The following KAZN variants were observed in gnomAD, a reference collection of about 807,000 sequenced individuals.
KAZN encodes kazrin, periplakin interacting protein.
Under a neutral mutation model 87.4 loss-of-function variants are expected in KAZN, and 40 were observed. The observed-to-expected ratio is 0.46, with a 90% CI of 0.36 to 0.60. The LOEUF is 0.60. Ranked by LOEUF, KAZN falls within the 20% of genes least tolerant of loss-of-function variation. KAZN has a pLI of 0.00. For synonymous variants in KAZN, 466 were observed against 458.3 expected, an observed-to-expected ratio of 1.02 and a Z score of -0.22; for missense variants, 898 against 1,073.9, an observed-to-expected ratio of 0.84 and a Z score of 2.29.
chr1:13,922,150 T>A (rs950698037), intron 1 of KAZN, among the ~76,000 whole-genome samples: 9 of 152,186 alleles, frequency 5.9e-5, no homozygotes, highest in African/African-American at 2.2e-4. Context: ...GCCCTGGATT[T>A]CTCTGCCTTT....
intron 1 of KAZN, among the ~76,000 whole-genome samples, chr1:14,919,240 G>C (rs1013590778): frequency 6.6e-6 from 1 of 152,078 alleles, no homozygotes; most frequent in South Asian, 2.1e-4. Context: ...GCAGTGGCAC[G>C]ATCTCGGCTC....
intron 2 of KAZN, among the ~76,000 whole-genome samples, chr1:14,551,333 C>G (rs918669951): frequency 6.6e-6 from 1 of 152,180 alleles, no homozygotes; most frequent in African/African-American, 2.4e-5. Flanking sequence ...TGATGTAGGG[C>G]TCCCCTCGTA....
intron 3 of KAZN, among the ~76,000 whole-genome samples, 163 bp from the exon 4 acceptor site, chr1:15,043,826 G>A (rs1673174682): frequency 6.6e-6 from 1 of 151,770 alleles, no homozygotes; most frequent in Non-Finnish European, 1.5e-5. Context: ...TGTGTTTTTA[G>A]TAGAGACGGG....
chr1:14,416,278 T>G (rs966476767), intron 2 of KAZN, among the ~76,000 whole-genome samples: 1 of 152,204 alleles, frequency 6.6e-6, no homozygotes, highest in South Asian at 2.1e-4. Context: ...ATTCTAGACA[T>G]GTCTACAGAA....
At chr1:14,962,704 C>T (rs1344546894) in intron 2 of KAZN, among the ~76,000 whole-genome samples, 1 of 152,314 alleles carries the variant, frequency 6.6e-6, no homozygotes, top group East Asian at 1.9e-4. Context: ...GTTCAATCAC[C>T]TTTCCCATTC....
chr1:14,905,826 CTG>C (rs1189513764), intron 1 of KAZN, among the ~76,000 whole-genome samples: 3 of 135,538 alleles, frequency 2.2e-5, no homozygotes, highest in African/African-American at 8.2e-5. Context: ...CTGGGCGAGA[CTG>C]TGAGACTCCG....
intron 1 of KAZN, among the ~76,000 whole-genome samples, chr1:14,056,558 A>G (rs1414330496): frequency 1.3e-5 from 2 of 152,226 alleles, no homozygotes; most frequent in Non-Finnish European, 2.9e-5. Context: ...AAGAGAATAA[A>G]TCTATGTTGC....
chr1:14,583,089 A>C (rs2148566019), intron 2 of KAZN, among the ~76,000 whole-genome samples: 1 of 152,276 alleles, frequency 6.6e-6, no homozygotes, highest in South Asian at 2.1e-4. Context: ...TTCACAACAA[A>C]CCTATGCGAC....
chr1:13,933,767 T>G (rs1640620462), intron 1 of KAZN, among the ~76,000 whole-genome samples: 1 of 152,208 alleles, frequency 6.6e-6, no homozygotes, highest in Non-Finnish European at 1.5e-5. Flanking sequence ...TTGTGCTCAT[T>G]TGATTGAAAT....
chr1:13,949,287 T>C (rs1284218292), intron 1 of KAZN, among the ~76,000 whole-genome samples: 1 of 147,522 alleles, frequency 6.8e-6, no homozygotes, highest in African/African-American at 2.5e-5. Context: ...ACTGAATCAT[T>C]CCCAAGAACA....
At chr1:14,802,203 T>C (rs1182150322) in intron 1 of KAZN, among the ~76,000 whole-genome samples, 1 of 152,020 alleles carries the variant, frequency 6.6e-6, no homozygotes. Context: ...GCCAGGAGTT[T>C]GAGACCACCA....
intron 1 of KAZN, among the ~76,000 whole-genome samples, chr1:14,707,133 T>C (rs527911191): frequency 9.2e-5 from 14 of 152,274 alleles, no homozygotes; most frequent in African/African-American, 3.4e-4. Context: ...CAGGTTAGGA[T>C]CAATGTGTAA....
At chr1:14,382,780 C>T (rs1365100452) in intron 2 of KAZN, among the ~76,000 whole-genome samples, 6 of 149,942 alleles carry the variant, frequency 4.0e-5, no homozygotes, top group African/African-American at 9.7e-5. Context: ...AATAAACATA[C>T]GTGTGCATGT....
intron 1 of KAZN, among the ~76,000 whole-genome samples, chr1:14,074,791 C>T (rs1643387188): frequency 6.6e-6 from 1 of 152,196 alleles, no homozygotes; most frequent in African/African-American, 2.4e-5. Context: ...ACTTGGGTTC[C>T]AAGCCCACCT....
At position 14,674,926 on chromosome 1, in the gene KAZN, A is replaced by G. The variant is rs141874248; in HGVS notation, c.226+75703A>G. ...CTCAGCCTCCTGAGCACCTGGGACT[A>G]CAGACACGCACCACCACACCCAGCT... is the stretch of plus-strand genomic sequence containing the variant. On this transcript the variant is annotated intron_variant, in intron 1 of 14. Transcript: ENST00000376030. Among the ~76,000 whole-genome samples the G allele has an allele frequency of 5.0e-4, 76 of 151,488 alleles. No homozygotes were observed. The East Asian group carries it at 0.012, about 24-fold the overall frequency.
At chr1:14,986,416 G>A (rs1034118098) in intron 2 of KAZN, among the ~76,000 whole-genome samples, 2 of 152,190 alleles carry the variant, frequency 1.3e-5, no homozygotes, top group African/African-American at 2.4e-5. Context: ...CTTGTTTGCA[G>A]AGAGGAAACT....
chr1:14,455,472 G>C (rs1667517457), intron 2 of KAZN, among the ~76,000 whole-genome samples: 1 of 152,170 alleles, frequency 6.6e-6, no homozygotes, highest in African/African-American at 2.4e-5. Flanking sequence ...GTTAAATTGG[G>C]ATACTCAGTG....
At chr1:14,989,253 A>C (rs946550921) in intron 2 of KAZN, among the ~76,000 whole-genome samples, 3 of 152,206 alleles carry the variant, frequency 2.0e-5, no homozygotes, top group African/African-American at 7.2e-5. Context: ...AGGTAGGTGG[A>C]TCACTTGAGG....
chr1:14,788,501 G>A (rs1226170729), intron 1 of KAZN, among the ~76,000 whole-genome samples: 2 of 152,120 alleles, frequency 1.3e-5, no homozygotes, highest in Non-Finnish European at 2.9e-5. Context: ...CAAGAAGATC[G>A]ATGCAGCACA....
Sources: gnomAD v4.1 joint callset for allele counts (sites outside exome capture counted in the v4.1 genomes callset) on GRCh38, gnomAD v4.1.1 for gene constraint, MANE v1.5 for transcripts, NCBI Gene and HGNC (gene_info 2026-07-23, HGNC 2026-07-21) for gene names.